The following MICU1 variants were observed in gnomAD, a reference collection of about 807,000 sequenced individuals.
The protein encoded by MICU1 is mitochondrial calcium uptake 1, also known as calcium uptake protein 1, mitochondrial.
A neutral mutation model predicts 56.8 loss-of-function variants in MICU1; 45 were observed. The observed-to-expected ratio is 0.79, with a 90% CI of 0.62 to 1.02. The LOEUF (loss-of-function observed/expected upper bound fraction) is 1.02, where lower values mean the gene tolerates loss of function less well. Ranked by LOEUF, MICU1 falls within the 50% of genes least tolerant of loss-of-function variation. The probability of loss-of-function intolerance (pLI) is 0.00; values close to 1 mark genes in which losing one functional copy is unlikely to be tolerated. For synonymous variants in MICU1, 186 were observed against 195.1 expected (o/e 0.95, Z 0.39); for missense variants, 504 against 587.1 (o/e 0.86, Z 1.46).
chr10:72,507,918 G>A (rs888195517), intron 6 of MICU1, among the ~76,000 whole-genome samples: 9 of 151,984 alleles, frequency 5.9e-5, no homozygotes, highest in South Asian at 2.1e-4. Context: ...GTGCCCAGCC[G>A]TTTTGTTTTG....
At chr10:72,472,865 C>T (rs540886267) in intron 8 of MICU1, among the ~76,000 whole-genome samples, 1 of 152,088 alleles carries the variant, frequency 6.6e-6, no homozygotes, top group Non-Finnish European at 1.5e-5. Flanking sequence ...TTTGGGAGGC[C>T]GAGGTGGGCA....
chr10:72,403,982 T>C (rs1048616899), intron 10 of MICU1, among the ~76,000 whole-genome samples: 2 of 127,914 alleles, frequency 1.6e-5, no homozygotes, highest in African/African-American at 2.5e-5. Context: ...TTTTTGGTTA[T>C]GTGTTTTTTG....
intron 10 of MICU1, among the ~76,000 whole-genome samples, chr10:72,400,853 G>A (rs1488977465): frequency 6.7e-6 from 1 of 149,650 alleles, no homozygotes; most frequent in African/African-American, 2.5e-5. Flanking sequence ...CTAGAGAAAT[G>A]ATCTGGTGGT....
rs186829165 is a variant in MICU1, at chr10:72,611,692, A to C, written c.-2+14318T>G. Reference sequence around the variant, plus strand: ...TGACGAGAGGTACATGGTCTGCCCCAATACTCTCAAACACTGAGAATAACA... The same window carrying C: ...TGACGAGAGGTACATGGTCTGCCCCCATACTCTCAAACACTGAGAATAACA... On this transcript the variant is annotated intron_variant, in intron 1 of 11. Coordinates refer to ENST00000361114, the MANE Select transcript of MICU1 (RefSeq NM_001195518.2). 1.2e-4 allele frequency among the ~76,000 whole-genome samples: 19 copies of C among 152,310 alleles called. No homozygotes were observed. The East Asian group carries it at 3.3e-3, about 26-fold the overall frequency.
intron 4 of MICU1, among the ~76,000 whole-genome samples, chr10:72,544,730 C>T (rs1217777450): frequency 6.6e-6 from 1 of 152,194 alleles, no homozygotes; most frequent in East Asian, 1.9e-4. Context: ...GACATTCAGA[C>T]TTCATAGAGA....
rs558466373 is a variant in MICU1, at chr10:72,400,032, C to T, written c.1180+7897G>A. ...GATTTTTCCCCCTTCCAACTCAGTACAAAATTAAATGTATGTATGTATTTA... is the reference window on the plus strand; with the variant it reads ...GATTTTTCCCCCTTCCAACTCAGTATAAAATTAAATGTATGTATGTATTTA... On this transcript the variant is annotated intron_variant, in intron 10 of 11. Coordinates refer to ENST00000361114, the MANE Select transcript of MICU1 (RefSeq NM_001195518.2). Among the ~76,000 whole-genome samples, 4 of 152,196 alleles carry T rather than the reference C, an allele frequency of 2.6e-5. No individual in the cohort carries two copies. In the South Asian group the frequency reaches 8.3e-4, roughly 32 times the overall value.
chr10:72,508,187 GA>G lies in MICU1; in HGVS notation c.619del (p.Ser207GlnfsTer26). ...TLGECGLISF[S>X]DYIFLTTVLS... ...AACAGTTGTGAGGAAAATGTAGTCTGAAAAGGATATGAGCCCACATTCTCCA... is the reference window on the plus strand; with the variant it reads ...AACAGTTGTGAGGAAAATGTAGTCTGAAAGGATATGAGCCCACATTCTCCA... On this transcript the variant is annotated frameshift_variant, in exon 6 of 12. Coordinates refer to ENST00000361114, the MANE Select transcript of MICU1 (RefSeq NM_001195518.2). LOFTEE classifies it high-confidence loss of function. 1.9e-6 allele frequency: 3 copies of G among 1,539,960 alleles called. No individual in the cohort carries two copies. The highest frequency in any genetic ancestry group is 2.6e-5 in the South Asian group (2 of 77,742).
intron 6 of MICU1, among the ~76,000 whole-genome samples, chr10:72,489,693 C>A (rs1243353241): frequency 6.6e-6 from 1 of 152,148 alleles, no homozygotes; most frequent in East Asian, 1.9e-4. Flanking sequence ...CTTTCAGGTA[C>A]ATTTTTCATT....
chr10:72,445,960 T>C (rs193152286), intron 8 of MICU1, among the ~76,000 whole-genome samples: 9 of 152,296 alleles, frequency 5.9e-5, no homozygotes, highest in Non-Finnish European at 1.0e-4. Flanking sequence ...TTTTTTTTTT[T>C]CTTCACATTT....
In MICU1 at chr10:72,393,404, G is replaced by T. The variant is rs763831107; in HGVS notation, c.1180+14525C>A. Among the ~76,000 whole-genome samples, 28 of 152,306 alleles carry T rather than the reference G, an allele frequency of 1.8e-4. No homozygotes were observed. The Middle Eastern group carries it at 0.01, about 56-fold the overall frequency. On this transcript the variant is annotated intron_variant, in intron 10 of 11. Coordinates refer to ENST00000361114, the MANE Select transcript of MICU1 (RefSeq NM_001195518.2). ...ACTTATACCAGACCTAAGTTACAAG[G>T]AGCTAAATACATGGAGATCCCAGGC...
chr10:72,574,251 G>A (rs77214804), intron 1 of MICU1, among the ~76,000 whole-genome samples: 6,075 of 152,204 alleles, frequency 0.04, 399 homozygotes, highest in African/African-American at 0.13. Flanking sequence ...AATGTCAGCC[G>A]GGCGTGGTGG....
intron 11 of MICU1, among the ~76,000 whole-genome samples, chr10:72,372,485 A>T (rs1042048965): frequency 1.1e-4 from 16 of 151,722 alleles, no homozygotes; most frequent in South Asian, 4.2e-4. Flanking sequence ...AAACAAATTT[A>T]AAAAAAAATG....
chr10:72,474,129 G>A (rs1310603026), intron 8 of MICU1, among the ~76,000 whole-genome samples: 2 of 151,810 alleles, frequency 1.3e-5, no homozygotes, highest in Non-Finnish European at 2.9e-5. Flanking sequence ...GGTGGCACAT[G>A]CCTGTAATTC....
chr10:72,542,135 T>C (rs1248054042), intron 4 of MICU1, among the ~76,000 whole-genome samples: 1 of 152,182 alleles, frequency 6.6e-6, no homozygotes, highest in African/African-American at 2.4e-5. Context: ...ACCAAATTAA[T>C]AACAGTGGTT....
At chr10:72,556,784 T>C (rs1338629182) in intron 3 of MICU1, among the ~76,000 whole-genome samples, 1 of 152,044 alleles carries the variant, frequency 6.6e-6, no homozygotes, top group African/African-American at 2.4e-5. Context: ...TGAAAAAATC[T>C]GGCCAGGTGG....
chr10:72,533,258 A>C, intron 5 of MICU1: 2 of 652,398 alleles, frequency 3.1e-6, no homozygotes, highest in Non-Finnish European at 4.4e-6. Flanking sequence ...TTATTTATTC[A>C]GGTATAAATA....
At chr10:72,514,316 GCCT>G (rs1035870123) in intron 5 of MICU1, among the ~76,000 whole-genome samples, 28 of 151,930 alleles carry the variant, frequency 1.8e-4, no homozygotes, top group African/African-American at 6.8e-4. Context: ...TAATGTCCGT[GCCT>G]CCTCAAGGAT....
chr10:72,372,944 A>C (rs201070747), intron 11 of MICU1, among the ~76,000 whole-genome samples: 3 of 151,732 alleles, frequency 2.0e-5, no homozygotes, highest in East Asian at 3.9e-4. Flanking sequence ...AAAGAAAAAG[A>C]AGCTTGAAAA....
intron 6 of MICU1, among the ~76,000 whole-genome samples, chr10:72,492,943 C>T (rs1330873504): frequency 1.3e-5 from 2 of 149,984 alleles, no homozygotes; most frequent in African/African-American, 2.5e-5. Flanking sequence ...ATGGTGAAAC[C>T]CCATCTCTAC....
Sources: gnomAD v4.1 joint callset for allele counts (sites outside exome capture counted in the v4.1 genomes callset) on GRCh38, gnomAD v4.1.1 for gene constraint, MANE v1.5 for transcripts, NCBI Gene and HGNC (gene_info 2026-07-23, HGNC 2026-07-21) for gene names.